The following TLL2 variants were observed in gnomAD, a reference collection of about 807,000 sequenced individuals.
TLL2 encodes the protein tolloid like 2.
A neutral mutation model predicts 123.0 loss-of-function variants in TLL2; 106 were observed. That is an observed-to-expected ratio of 0.86 (90% CI 0.74 to 1.01). The LOEUF is 1.01. TLL2 is among the 50% of genes least tolerant of loss of function. TLL2 has a pLI of 0.00. For synonymous variants in TLL2, 494 were observed against 516.8 expected (o/e 0.96, Z 0.60); for missense variants, 1,332 against 1,336.7 (o/e 1.00, Z 0.06).
Position 96,370,276 on chromosome 10 carries a change from T to A in TLL2, c.2702A>T (p.Glu901Val). The part of the protein sequence containing the change: ...GRLKAEVQTK[E>V]LYSHAQFGDN... ...CCCAAACTGGGCGTGGGAATAGAGC[T>A]CTTTGGTCTGCACTTCAGCCTTCAG... Residue 901 changes from glutamate (E) to valine (V), a missense_variant, in exon 20 of 21, where the codon GAG (glutamate) becomes GTG (valine). Physicochemically the swap from Glu to Val is moderately radical, Grantham distance 121. Coordinates refer to ENST00000357947, the MANE Select transcript of TLL2 (RefSeq NM_012465.4). 6.2e-7 allele frequency: 1 copy of A among 1,604,886 alleles called. No homozygotes were observed.
intron 2 of TLL2, among the ~76,000 whole-genome samples, chr10:96,465,207 C>G (rs1042148165): frequency 6.8e-6 from 1 of 147,444 alleles, no homozygotes; most frequent in African/African-American, 2.4e-5. Context: ...GAGCAGTGAC[C>G]TTAACTTTAA....
intron 1 of TLL2, among the ~76,000 whole-genome samples, chr10:96,488,123 G>C (rs1039211981): frequency 2.2e-4 from 34 of 152,168 alleles, no homozygotes; most frequent in African/African-American, 8.0e-4. Flanking sequence ...GAGATAATGC[G>C]GATCCATGCT....
At position 96,433,063 on chromosome 10, in the gene TLL2, A is replaced by G. The variant is rs1258408116; in HGVS notation, c.365-101T>C. The G allele has an allele frequency of 3.4e-6, 5 of 1,485,150 alleles. No homozygotes were observed. In the African/African-American group the frequency reaches 6.9e-5, roughly 21 times the overall value. The allele number at this position is 1,485,150 out of a possible 1,614,324, so 92.0% of individuals were successfully genotyped here. A position where few individuals can be genotyped will look rare whatever the true frequency, so the allele number is the denominator to read the frequency against. ...ACAATTCCAAAAAGGGGGTGTTAAA[A>G]CATGTTCCAAAGGGGCTATTTCATC... On this transcript the variant is annotated intron_variant, in intron 3 of 20. Coordinates refer to ENST00000357947, the MANE Select transcript of TLL2 (RefSeq NM_012465.4).
chr10:96,367,815 A>G lies in TLL2; in HGVS notation c.*273T>C. Reference sequence around the variant, plus strand: ...AATGGTATGAAGAAGCATAGCCGGAATGGTCAGTGACTTCAATCCTAATCT... The same window carrying G: ...AATGGTATGAAGAAGCATAGCCGGAGTGGTCAGTGACTTCAATCCTAATCT... On this transcript the variant is annotated 3_prime_UTR_variant, in exon 21 of 21. Transcript: ENST00000357947. The G allele has an allele frequency of 2.8e-6, 1 of 359,826 alleles. No homozygotes were observed. Among genetic ancestry groups the G allele is most frequent in the Non-Finnish European group, 5.2e-6 (1 of 192,690 alleles). The allele number at this position is 359,826 out of a possible 1,614,324, so 22.3% of individuals were successfully genotyped here.
At chr10:96,388,972 C>T (rs73324558) in intron 13 of TLL2, among the ~76,000 whole-genome samples, 2 of 152,138 alleles carry the variant, frequency 1.3e-5, no homozygotes, top group Admixed American at 6.5e-5. Context: ...AGTTGCCCAT[C>T]GCCTCAAATA....
chr10:96,512,819 G>A (rs1403764782), intron 1 of TLL2, among the ~76,000 whole-genome samples: 1 of 152,234 alleles, frequency 6.6e-6, no homozygotes, highest in African/African-American at 2.4e-5. Flanking sequence ...CGAGGAAGCG[G>A]GAGCTGCAGC....
At chr10:96,376,444 C>T (rs1846138604) in intron 18 of TLL2, among the ~76,000 whole-genome samples, 1 of 152,250 alleles carries the variant, frequency 6.6e-6, no homozygotes, top group Non-Finnish European at 1.5e-5. Context: ...TGGATGCCGC[C>T]TCCTGCGGGT....
intron 3 of TLL2, among the ~76,000 whole-genome samples, chr10:96,435,553 T>C (rs1337592339): frequency 6.6e-6 from 1 of 152,216 alleles, no homozygotes; most frequent in Non-Finnish European, 1.5e-5. Context: ...ATCACAAAGA[T>C]TTATACGTAT....
intron 6 of TLL2, among the ~76,000 whole-genome samples, chr10:96,421,856 AC>A (rs916331246): frequency 6.6e-6 from 1 of 152,052 alleles, no homozygotes; most frequent in Non-Finnish European, 1.5e-5. Context: ...AACAAAAAAA[AC>A]AAAACAAACA....
intron 18 of TLL2, among the ~76,000 whole-genome samples, chr10:96,376,026 C>A (rs1296748439): frequency 2.0e-5 from 3 of 152,082 alleles, no homozygotes; most frequent in Non-Finnish European, 4.4e-5. Flanking sequence ...GTGCAAACCA[C>A]ACATCATATA....
At chr10:96,387,662 A>G (rs1007373496) in intron 13 of TLL2, among the ~76,000 whole-genome samples, 2 of 152,304 alleles carry the variant, frequency 1.3e-5, no homozygotes, top group Admixed American at 1.3e-4. Context: ...GCTCCCAGGA[A>G]AACCTGCAGG....
intron 19 of TLL2, among the ~76,000 whole-genome samples, chr10:96,370,589 GT>G (rs1200473702): frequency 2.6e-5 from 4 of 152,200 alleles, no homozygotes; most frequent in Non-Finnish European, 4.4e-5. Context: ...GCTGCTTTTT[GT>G]TTTTTCCGGT....
rs1846351286 is a variant in TLL2, at chr10:96,397,251, C to CGGCT, written c.1315_1318dup (p.Arg440GlnfsTer45). On this transcript the variant is annotated frameshift_variant, in exon 11 of 21. Transcript: ENST00000357947. LOFTEE classifies it high-confidence loss of function. ...GCTGCTGCGGAACTCCACCCAGAGC[C>CGGCT]GGCTGTCCGTGGAGACGAGGGGCTC... 6.2e-7 allele frequency: 1 copy of CGGCT among 1,613,626 alleles called. No homozygotes were observed. The highest frequency in any genetic ancestry group is 1.3e-5 in the African/African-American group (1 of 74,906).
At chr10:96,507,133 C>T (rs1451976331) in intron 1 of TLL2, among the ~76,000 whole-genome samples, 1 of 152,056 alleles carries the variant, frequency 6.6e-6, no homozygotes, top group Non-Finnish European at 1.5e-5. Flanking sequence ...CTTTCCCAGA[C>T]TCTGGCACCC....
chr10:96,431,910 C>T (rs1216006724), intron 4 of TLL2, among the ~76,000 whole-genome samples: 1 of 151,960 alleles, frequency 6.6e-6, no homozygotes, highest in African/African-American at 2.4e-5. Flanking sequence ...AGACAGAAGG[C>T]AAGTTCAAGT....
At chr10:96,440,824 C>T (rs542807036) in intron 3 of TLL2, among the ~76,000 whole-genome samples, 2 of 152,298 alleles carry the variant, frequency 1.3e-5, no homozygotes, top group East Asian at 1.9e-4. Context: ...ACACAGGAAG[C>T]ATTTGCCGAT....
chr10:96,495,823 G>A (rs1847468422), intron 1 of TLL2, among the ~76,000 whole-genome samples: 1 of 152,124 alleles, frequency 6.6e-6, no homozygotes, highest in Non-Finnish European at 1.5e-5. Context: ...AGCTGCTCCT[G>A]CCTGGGGAGA....
At chr10:96,394,015 G>A (rs1182586051) in intron 13 of TLL2, among the ~76,000 whole-genome samples, 1 of 152,180 alleles carries the variant, frequency 6.6e-6, no homozygotes, top group African/African-American at 2.4e-5. Context: ...CAGTAAGGAC[G>A]AATGGCTGCC....
At chr10:96,416,564 C>G (rs1846564185) in intron 7 of TLL2, among the ~76,000 whole-genome samples, 1 of 152,196 alleles carries the variant, frequency 6.6e-6, no homozygotes, top group African/African-American at 2.4e-5. Flanking sequence ...TGGGAATCCT[C>G]CTCCTTCCAG....
Sources: gnomAD v4.1 joint callset for allele counts (sites outside exome capture counted in the v4.1 genomes callset) on GRCh38, gnomAD v4.1.1 for gene constraint, MANE v1.5 for transcripts, NCBI Gene and HGNC (gene_info 2026-07-23, HGNC 2026-07-21) for gene names.